ACACA: variants seen among roughly 807,000 people sequenced by gnomAD.
The protein encoded by ACACA is acetyl-CoA carboxylase alpha.
ACACA carries 103 observed loss-of-function variants against 296.1 expected under a neutral mutation model. That is an observed-to-expected ratio of 0.35 (90% CI 0.30 to 0.41). The LOEUF (loss-of-function observed/expected upper bound fraction) is 0.41, where lower values mean the gene tolerates loss of function less well. ACACA is among the 10% of genes least tolerant of loss of function. The probability of loss-of-function intolerance (pLI) is 1.00; values close to 1 mark genes in which losing one functional copy is unlikely to be tolerated. For missense variants in ACACA, 1,554 were observed against 2,989.7 expected (o/e 0.52, Z 11.20); for synonymous variants, 953 against 1,038.6 (o/e 0.92, Z 1.58).
At chr17:37,375,175 C>G (rs2049951361) in intron 1 of ACACA, among the ~76,000 whole-genome samples, 1 of 149,990 alleles carries the variant, frequency 6.7e-6, no homozygotes, top group African/African-American at 2.5e-5. Context: ...GCCTGGGCAA[C>G]AGAACGAGAC....
chr17:37,193,765 C>T (rs1180225874), intron 35 of ACACA, among the ~76,000 whole-genome samples: 2 of 152,154 alleles, frequency 1.3e-5, no homozygotes, highest in Non-Finnish European at 2.9e-5. Flanking sequence ...CCTTGTGCCA[C>T]AGTCACTGCA....
intron 1 of ACACA, among the ~76,000 whole-genome samples, chr17:37,370,102 G>C (rs2049748816): frequency 6.6e-6 from 1 of 150,808 alleles, no homozygotes; most frequent in African/African-American, 2.4e-5. Context: ...TGCCTCCTGG[G>C]TTCAAGCGAT....
At chr17:37,164,210 T>C (rs1304848074) in intron 41 of ACACA, among the ~76,000 whole-genome samples, 1 of 151,510 alleles carries the variant, frequency 6.6e-6, no homozygotes, top group African/African-American at 2.4e-5. Context: ...GCATATCACC[T>C]CATTGGGGAG....
chr17:37,272,410 A>AT (rs2082108935), intron 9 of ACACA, among the ~76,000 whole-genome samples: 1 of 152,208 alleles, frequency 6.6e-6, no homozygotes, highest in Non-Finnish European at 1.5e-5. Context: ...ATGTCAATCG[A>AT]TTACTTAATG....
intron 9 of ACACA, among the ~76,000 whole-genome samples, chr17:37,273,676 G>A (rs1175928725): frequency 6.6e-6 from 1 of 152,222 alleles, no homozygotes; most frequent in Admixed American, 6.5e-5. Flanking sequence ...TAACCAGTGG[G>A]TGAGTGAGCC....
chr17:37,206,988 T>G (rs868328556), intron 31 of ACACA, 109 bp from the exon 32 acceptor site: 1 of 1,034,972 alleles, frequency 9.7e-7, no homozygotes, highest in African/African-American at 1.6e-5. Context: ...CTGGGCTCAA[T>G]AGTTAATTGA....
At chr17:37,297,558 T>C (rs905223548) in intron 3 of ACACA, among the ~76,000 whole-genome samples, 7 of 151,938 alleles carry the variant, frequency 4.6e-5, no homozygotes, top group African/African-American at 1.4e-4. Flanking sequence ...CACTTTTTTT[T>C]TGAGATGGAG....
chr17:37,218,655 T>G (rs2079144686), intron 29 of ACACA, among the ~76,000 whole-genome samples: 1 of 152,232 alleles, frequency 6.6e-6, no homozygotes, highest in Non-Finnish European at 1.5e-5. Flanking sequence ...ACCCCTCAGA[T>G]AATTTTGAGA....
intron 51 of ACACA, 92 bp downstream of exon 51, chr17:37,112,995 GC>G: frequency 6.9e-7 from 1 of 1,440,918 alleles, no homozygotes; most frequent in Non-Finnish European, 9.7e-7. Context: ...GGATGTGGGT[GC>G]TGTAGTGCCA....
intron 45 of ACACA, among the ~76,000 whole-genome samples, chr17:37,149,270 C>T (rs1437680179): frequency 6.6e-6 from 1 of 152,208 alleles, no homozygotes; most frequent in Non-Finnish European, 1.5e-5. Context: ...CATCTTCCCA[C>T]TCAATATTTG....
intron 27 of ACACA, among the ~76,000 whole-genome samples, chr17:37,224,278 C>T (rs1225333251): frequency 6.6e-6 from 1 of 152,102 alleles, no homozygotes; most frequent in Non-Finnish European, 1.5e-5. Context: ...AGTTGAAACC[C>T]TAGATTTCAG....
intron 1 of ACACA, among the ~76,000 whole-genome samples, chr17:37,346,491 GGAGATCGA>G (rs1173557713): frequency 6.6e-6 from 1 of 151,846 alleles, no homozygotes; most frequent in Non-Finnish European, 1.5e-5. Flanking sequence ...CACGAGGTCA[GGAGATCGA>G]GACCATCCTG....
At chr17:37,391,433 C>A (rs2147811292) in intron 1 of ACACA, among the ~76,000 whole-genome samples, 1 of 152,238 alleles carries the variant, frequency 6.6e-6, no homozygotes, top group South Asian at 2.1e-4. Flanking sequence ...AATTACTTTG[C>A]TAGTGGGTTA....
Position 37,200,193 on chromosome 17 carries a change from AAAAG to A in ACACA, c.4114-14_4114-11del. On this transcript the variant is annotated splice_polypyrimidine_tract_variant and intron_variant, in intron 34 of 55. Coordinates refer to ENST00000616317, the MANE Select transcript of ACACA (RefSeq NM_198834.3). ...CCTGCTTTCTGAAATCCTTTCAAAT[AAAAG>A]AGAGAAAGGAAGGAAAGACAGCAGA... 2.5e-6 allele frequency: 4 copies of A among 1,604,110 alleles called. No homozygotes were observed. The highest frequency in any genetic ancestry group is 3.4e-6 in the Non-Finnish European group (4 of 1,171,030).
chr17:37,271,296 A>T (rs1306997513), intron 9 of ACACA, among the ~76,000 whole-genome samples: 2 of 152,206 alleles, frequency 1.3e-5, no homozygotes, highest in Non-Finnish European at 2.9e-5. Flanking sequence ...CGGGCGGATC[A>T]CCTGAGGTCG....
rs182374986 is a variant in ACACA, at chr17:37,295,151, C to G, written c.339-10181G>C. ...AATGCCAGCTCGCCCCAAGCTGTGC[C>G]ACACGTAGGGATCAGGGACCACAAC... is the stretch of plus-strand genomic sequence containing the variant. On this transcript the variant is annotated intron_variant, in intron 3 of 55. Coordinates refer to ENST00000616317, the MANE Select transcript of ACACA (RefSeq NM_198834.3). 1.3e-5 allele frequency among the ~76,000 whole-genome samples: 2 copies of G among 152,296 alleles called. 1 individual carries two copies. The highest frequency in any genetic ancestry group is 3.9e-4 in the East Asian group (2 of 5,180).
chr17:37,400,377 C>T (rs1355508003), intron 1 of ACACA, among the ~76,000 whole-genome samples: 1 of 152,170 alleles, frequency 6.6e-6, no homozygotes, highest in Non-Finnish European at 1.5e-5. Context: ...GCCTCAGCCT[C>T]CCAAAGTGCT....
chr17:37,221,636 A>T lies in ACACA; in HGVS notation c.3683+88T>A, dbSNP rs955144666. The T allele has an allele frequency of 6.0e-6, 7 of 1,160,848 alleles. No individual in the cohort carries two copies. The African/African-American group carries it at 1.1e-4, about 18-fold the overall frequency. The allele number at this position is 1,160,848 out of a possible 1,614,324, so 71.9% of individuals were successfully genotyped here. On this transcript the variant is annotated intron_variant, in intron 29 of 55. Transcript: ENST00000616317. ...TTTTGCCCTACATTTCTAACTAAAA[A>T]AACATGGAATTGTCATACACATTAC... is the stretch of plus-strand genomic sequence containing the variant.
chr17:37,166,176 T>G (rs1598036596), intron 41 of ACACA, among the ~76,000 whole-genome samples: 1 of 151,746 alleles, frequency 6.6e-6, no homozygotes, highest in Admixed American at 6.6e-5. Context: ...CTATGTCACC[T>G]AGGCTGGAGT....
Sources: allele counts gnomAD v4.1 joint callset (sites outside exome capture counted in the v4.1 genomes callset), GRCh38; gene constraint gnomAD v4.1.1; transcripts MANE v1.5; gene names NCBI Gene and HGNC (gene_info 2026-07-23, HGNC 2026-07-21).